Variants in GFRAL observed in about 807,000 individuals in gnomAD.
GFRAL encodes GDNF family receptor alpha like.
In GFRAL, 36 loss-of-function variants were observed where a neutral mutation model predicts 45.4. The observed-to-expected ratio is 0.79, with a 90% CI of 0.61 to 1.05. The LOEUF is 1.05. Among genes scored for constraint, GFRAL ranks in the 50% least tolerant of loss-of-function variants. The pLI is 0.00. For synonymous variants in GFRAL, 166 were observed against 154.1 expected (o/e 1.08, Z -0.57); for missense variants, 507 against 467.5 (o/e 1.08, Z -0.78).
At chr6:55,330,906 G>A (rs1767820808) in intron 1 of GFRAL, among the ~76,000 whole-genome samples, 1 of 152,004 alleles carries the variant, frequency 6.6e-6, no homozygotes, top group Non-Finnish European at 1.5e-5. Flanking sequence ...GGAGAGTGAA[G>A]TTGAGGATGG....
chr6:55,343,052 A>G (rs1443929446), intron 3 of GFRAL, among the ~76,000 whole-genome samples: 1 of 152,096 alleles, frequency 6.6e-6, no homozygotes, highest in Non-Finnish European at 1.5e-5. Context: ...CTACAAAGAG[A>G]CTTAGACTCC....
chr6:55,376,956 G>T (rs924926632), intron 6 of GFRAL, among the ~76,000 whole-genome samples: 1 of 151,788 alleles, frequency 6.6e-6, no homozygotes, highest in Non-Finnish European at 1.5e-5. Context: ...CTTTTTCAAT[G>T]TTAGGGGATC....
chr6:55,335,726 T>C (rs1314260130), intron 3 of GFRAL, among the ~76,000 whole-genome samples: 1 of 152,174 alleles, frequency 6.6e-6, no homozygotes, highest in Non-Finnish European at 1.5e-5. Context: ...TTTGGCCATA[T>C]GTTGGTGGCT....
intron 3 of GFRAL, among the ~76,000 whole-genome samples, chr6:55,345,895 C>T (rs183841081): frequency 1.3e-5 from 2 of 152,180 alleles, no homozygotes; most frequent in Non-Finnish European, 1.5e-5. Flanking sequence ...TGAACAGACA[C>T]TTCTCAAAAG....
At chr6:55,360,357 T>A (rs1291025937) in intron 6 of GFRAL, among the ~76,000 whole-genome samples, 1 of 152,024 alleles carries the variant, frequency 6.6e-6, no homozygotes, top group Non-Finnish European at 1.5e-5. Context: ...AATCTTTATA[T>A]TTATTGAAAA....
chr6:55,392,775 C>T (rs1768770887), intron 6 of GFRAL, among the ~76,000 whole-genome samples: 1 of 152,052 alleles, frequency 6.6e-6, no homozygotes, highest in South Asian at 2.1e-4. Flanking sequence ...CTAATGGATA[C>T]TAGGTTTAAT....
intron 6 of GFRAL, among the ~76,000 whole-genome samples, chr6:55,395,175 A>AAAAAATATATATATATATATAT: frequency 5.7e-5 from 7 of 123,510 alleles, no homozygotes; most frequent in Non-Finnish European, 1.1e-4. Context: ...AAAAAAAAAA[A>AAAAAATATATATATATATATAT]ATATATATAT....
intron 6 of GFRAL, among the ~76,000 whole-genome samples, chr6:55,384,371 A>G (rs1170372840): frequency 6.6e-6 from 1 of 152,240 alleles, no homozygotes; most frequent in African/African-American, 2.4e-5. Flanking sequence ...AAAATAAACT[A>G]TTACTATATT....
At chr6:55,400,472 C>T (rs541126765) in intron 8 of GFRAL, among the ~76,000 whole-genome samples, 1 of 152,168 alleles carries the variant, frequency 6.6e-6, no homozygotes, top group Admixed American at 6.5e-5. Context: ...GACAATTAGG[C>T]AAATAAAAGA....
intron 6 of GFRAL, among the ~76,000 whole-genome samples, chr6:55,369,977 T>C (rs1768430034): frequency 6.6e-6 from 1 of 152,170 alleles, no homozygotes; most frequent in South Asian, 2.1e-4. Context: ...ACCTGGTGGG[T>C]CATAGCCTTG....
At chr6:55,375,774 G>A (rs1310922154) in intron 6 of GFRAL, among the ~76,000 whole-genome samples, 1 of 151,992 alleles carries the variant, frequency 6.6e-6, no homozygotes, top group Non-Finnish European at 1.5e-5. Flanking sequence ...AAAACAATGG[G>A]GTTTTCTAGA....
intron 6 of GFRAL, among the ~76,000 whole-genome samples, chr6:55,375,686 C>T (rs750726607): frequency 2.0e-5 from 3 of 151,974 alleles, no homozygotes; most frequent in Non-Finnish European, 4.4e-5. Context: ...GCAACCTTGT[C>T]TTGTGTCACT....
chr6:55,348,439 C>T (rs1460148421), intron 3 of GFRAL, among the ~76,000 whole-genome samples: 1 of 152,096 alleles, frequency 6.6e-6, no homozygotes. Flanking sequence ...TTAGGCTGCT[C>T]TGGCTACCAT....
intron 3 of GFRAL, among the ~76,000 whole-genome samples, chr6:55,348,669 T>G (rs1283132155): frequency 2.6e-5 from 4 of 152,082 alleles, no homozygotes; most frequent in Admixed American, 2.6e-4. Flanking sequence ...CCTGAAGTCT[T>G]CTGACATGGA....
At position 55,359,084 on chromosome 6, in the gene GFRAL, G is replaced by C. The variant is rs370371697; in HGVS notation, c.898G>C (p.Glu300Gln). ...QCTCRTITQS[E>Q]ESLCKIFQHM... The stretch of plus-strand genomic sequence containing the variant: ...TACCTGTAGGACCATTACACAAAGT[G>C]AGGAATCTTTGTGTAAGATTTTCCA... The change falls in exon 6 of 9, where the codon GAG (glutamate) becomes CAG (glutamine). Residue 300 changes from glutamate (E) to glutamine (Q), a missense_variant. By Grantham distance (29) the Glu-to-Gln change is conservative. Transcript: ENST00000340465. The C allele has an allele frequency of 6.2e-7, 1 of 1,612,190 alleles. No homozygotes were observed. The highest frequency in any genetic ancestry group is 2.2e-5 in the East Asian group (1 of 44,824).
chr6:55,390,273 A>C (rs11759316), intron 6 of GFRAL, among the ~76,000 whole-genome samples: 7,409 of 152,296 alleles, frequency 0.049, 290 homozygotes, highest in African/African-American at 0.092. Context: ...GGTATATTAT[A>C]ACCCCCCTGA....
intron 5 of GFRAL, among the ~76,000 whole-genome samples, chr6:55,355,801 A>G (rs979032152): frequency 1.2e-4 from 18 of 151,798 alleles, no homozygotes; most frequent in African/African-American, 4.4e-4. Flanking sequence ...CTCATTACAG[A>G]TCATAGAGGA....
intron 6 of GFRAL, among the ~76,000 whole-genome samples, chr6:55,368,528 G>A (rs1768399353): frequency 6.6e-6 from 1 of 152,018 alleles, no homozygotes; most frequent in African/African-American, 2.4e-5. Flanking sequence ...CTGCTTTTTA[G>A]AGTTTCCAGT....
chr6:55,337,892 C>T (rs1177775859), intron 3 of GFRAL, among the ~76,000 whole-genome samples: 1 of 152,026 alleles, frequency 6.6e-6, no homozygotes, highest in Non-Finnish European at 1.5e-5. Flanking sequence ...TCTCCATTTT[C>T]TTGCTTCCTA....
Sources: gnomAD v4.1 joint callset for allele counts (sites outside exome capture counted in the v4.1 genomes callset) on GRCh38, gnomAD v4.1.1 for gene constraint, MANE v1.5 for transcripts, NCBI Gene and HGNC (gene_info 2026-07-23, HGNC 2026-07-21) for gene names.